QKI: variants seen among roughly 807,000 people sequenced by gnomAD.
QKI encodes QKI, KH domain containing RNA binding.
In QKI, 10 loss-of-function variants were observed where a neutral mutation model predicts 39.0. That is an observed-to-expected ratio of 0.26 (90% confidence interval 0.16 to 0.43). The LOEUF (loss-of-function observed/expected upper bound fraction) is 0.43, where lower values mean the gene tolerates loss of function less well. QKI is among the 20% of genes least tolerant of loss of function. QKI has a pLI of 1.00. For synonymous variants in QKI, 204 were observed against 155.4 expected (o/e 1.31, Z -2.33); for missense variants, 218 against 428.0 (o/e 0.51, Z 4.33).
chr6:163,503,381 T>C (rs1778902319), intron 3 of QKI, among the ~76,000 whole-genome samples: 1 of 152,046 alleles, frequency 6.6e-6, no homozygotes, highest in Non-Finnish European at 1.5e-5. Flanking sequence ...TAGGGGGTCT[T>C]TTCCCCATTG....
At chr6:163,487,472 G>A (rs1402583331) in intron 3 of QKI, among the ~76,000 whole-genome samples, 1 of 152,112 alleles carries the variant, frequency 6.6e-6, no homozygotes, top group African/African-American at 2.4e-5. Flanking sequence ...CCTCAAATAT[G>A]TTGTCAGTGT....
chr6:163,446,314 A>G (rs1380731414), intron 1 of QKI, among the ~76,000 whole-genome samples: 2 of 152,220 alleles, frequency 1.3e-5, no homozygotes, highest in Admixed American at 6.5e-5. Context: ...GACTCGTAAG[A>G]GTACATTTTC....
At chr6:163,468,766 C>T (rs1791963946) in intron 2 of QKI, among the ~76,000 whole-genome samples, 1 of 152,062 alleles carries the variant, frequency 6.6e-6, no homozygotes, top group Admixed American at 6.6e-5. Flanking sequence ...AAATGATTTT[C>T]TTTGAAAGTG....
chr6:163,534,126 A>G (rs1004210266), intron 3 of QKI, among the ~76,000 whole-genome samples: 29 of 152,168 alleles, frequency 1.9e-4, no homozygotes, highest in Admixed American at 6.5e-5. Context: ...ACTTTCTCTA[A>G]AACTTAAAAC....
At chr6:163,525,100 G>T (rs1284423482) in intron 3 of QKI, among the ~76,000 whole-genome samples, 1 of 150,340 alleles carries the variant, frequency 6.7e-6, no homozygotes, top group Non-Finnish European at 1.5e-5. Flanking sequence ...ATTAACAATT[G>T]TTTTGTTTTG....
At chr6:163,523,843 C>T (rs1249645780) in intron 3 of QKI, among the ~76,000 whole-genome samples, 1 of 152,100 alleles carries the variant, frequency 6.6e-6, no homozygotes, top group Non-Finnish European at 1.5e-5. Context: ...TTAAAAGGAG[C>T]AGTCTTTGCT....
At chr6:163,470,238 A>G (rs1277341821) in intron 2 of QKI, among the ~76,000 whole-genome samples, 3 of 152,062 alleles carry the variant, frequency 2.0e-5, no homozygotes, top group Non-Finnish European at 4.4e-5. Flanking sequence ...TAATTTGTCT[A>G]TGTGAACCTC....
chr6:163,561,611 A>AAT (rs1681245410), intron 4 of QKI, among the ~76,000 whole-genome samples: 1 of 152,190 alleles, frequency 6.6e-6, no homozygotes, highest in Admixed American at 6.5e-5. Flanking sequence ...CTGTATCTAA[A>AAT]AACAATAAAA....
chr6:163,563,916 A>C, intron 6 of QKI, 197 bp downstream of exon 6: 1 of 1,408,796 alleles, frequency 7.1e-7, no homozygotes, highest in Non-Finnish European at 9.2e-7. Flanking sequence ...ATTTATTCAG[A>C]TCCACTTTGG....
intron 1 of QKI, chr6:163,415,966 G>C (rs370685054): frequency 1.2e-5 from 6 of 501,158 alleles, no homozygotes; most frequent in South Asian, 8.7e-5. Context: ...AGCCGACAAG[G>C]AGGACTAAGT....
rs1424602262 is a variant in QKI, at chr6:163,415,003, T to A, written c.-191T>A. Reference sequence around the variant, plus strand: ...GAGCGCGTCGGGCCCGGGCGGAAAGTGCCTGCGGGGGGCGGGCGAGCGCGC... The same window carrying A: ...GAGCGCGTCGGGCCCGGGCGGAAAGAGCCTGCGGGGGGCGGGCGAGCGCGC... On this transcript the variant is annotated 5_prime_UTR_variant, in exon 1 of 8. Coordinates refer to ENST00000361752, the MANE Select transcript of QKI (RefSeq NM_006775.3). 2.4e-6 allele frequency: 1 copy of A among 415,716 alleles called. No homozygotes were observed. Among genetic ancestry groups the A allele is most frequent in the African/African-American group, 2.2e-5 (1 of 45,304 alleles). 25.8% of individuals were successfully genotyped at this position (415,716 alleles called of 1,614,324 possible).
chr6:163,512,120 A>G (rs554714848), intron 3 of QKI, among the ~76,000 whole-genome samples: 1 of 152,246 alleles, frequency 6.6e-6, no homozygotes, highest in African/African-American at 2.4e-5. Context: ...TAGGAGCAAC[A>G]GAAGTATTTG....
chr6:163,469,740 T>C (rs1305806113), intron 2 of QKI, among the ~76,000 whole-genome samples: 1 of 152,206 alleles, frequency 6.6e-6, no homozygotes, highest in South Asian at 2.1e-4. Flanking sequence ...TGAAATTTAA[T>C]GTAATCTGTG....
chr6:163,523,491 A>C (rs1308841902), intron 3 of QKI, among the ~76,000 whole-genome samples: 1 of 152,196 alleles, frequency 6.6e-6, no homozygotes, highest in Non-Finnish European at 1.5e-5. Flanking sequence ...GTGGTTTCTT[A>C]TATAGAAGGA....
At chr6:163,535,149 A>T (rs761901239) in intron 4 of QKI, 24 bp downstream of exon 4, 1 of 1,549,272 alleles carries the variant, frequency 6.5e-7, no homozygotes, top group East Asian at 2.3e-5. Flanking sequence ...TCCAGACCTT[A>T]GATTTGGGCC....
At chr6:163,543,301 T>G (rs753379551) in intron 4 of QKI, among the ~76,000 whole-genome samples, 1 of 152,028 alleles carries the variant, frequency 6.6e-6, no homozygotes, top group African/African-American at 2.4e-5. Context: ...TTAAAACATA[T>G]ATTAAAAGAC....
intron 3 of QKI, among the ~76,000 whole-genome samples, chr6:163,491,972 T>C (rs1778083643): frequency 6.6e-6 from 1 of 152,230 alleles, no homozygotes; most frequent in Middle Eastern, 3.2e-3. Flanking sequence ...CACTAGATGC[T>C]CTTAATGAGC....
At chr6:163,457,416 A>G (rs1449932934) in intron 2 of QKI, 2 of 455,794 alleles carry the variant, frequency 4.4e-6, no homozygotes, top group East Asian at 7.0e-5. Flanking sequence ...ACTATTACCG[A>G]CTGGTGTGTT....
In QKI at chr6:163,495,825, C is replaced by T. The variant is rs980352605; in HGVS notation, c.402+16929C>T. On this transcript the variant is annotated intron_variant, in intron 3 of 7. Coordinates refer to ENST00000361752, the MANE Select transcript of QKI (RefSeq NM_006775.3). ...TTTTAAAAAGTGATGTTGTGTCCTTCTCAGCCATCACATTAGCAGTTAGAT... is the reference window on the plus strand; with the variant it reads ...TTTTAAAAAGTGATGTTGTGTCCTTTTCAGCCATCACATTAGCAGTTAGAT... Among the ~76,000 whole-genome samples the T allele has an allele frequency of 3.9e-5, 6 of 152,090 alleles. No individual in the cohort carries two copies. In the South Asian group the frequency reaches 8.3e-4, roughly 21 times the overall value.
Sources: gnomAD v4.1 joint callset for allele counts (sites outside exome capture counted in the v4.1 genomes callset) on GRCh38, gnomAD v4.1.1 for gene constraint, MANE v1.5 for transcripts, NCBI Gene and HGNC (gene_info 2026-07-23, HGNC 2026-07-21) for gene names.